The following MORC3 variants were observed in gnomAD, a reference collection of about 807,000 sequenced individuals.
MORC3 encodes MORC family CW-type zinc finger protein 3.
Under a neutral mutation model 109.1 loss-of-function variants are expected in MORC3, and 31 were observed. That is an observed-to-expected ratio of 0.28 (90% confidence interval 0.21 to 0.38). The LOEUF is 0.38. Among genes scored for constraint, MORC3 ranks in the 10% least tolerant of loss-of-function variants. MORC3 has a pLI of 1.00. For synonymous variants in MORC3, 395 were observed against 380.7 expected (o/e 1.04, Z -0.44); for missense variants, 867 against 1,135.8 (o/e 0.76, Z 3.40).
At chr21:36,325,951 C>CG (rs1474053810) in intron 1 of MORC3, among the ~76,000 whole-genome samples, 1 of 152,090 alleles carries the variant, frequency 6.6e-6, no homozygotes, top group Non-Finnish European at 1.5e-5. Flanking sequence ...CAGTGGCTCA[C>CG]GCCTCAGCAC....
At chr21:36,364,917 C>T (rs1367179771) in intron 14 of MORC3, among the ~76,000 whole-genome samples, 4 of 151,562 alleles carry the variant, frequency 2.6e-5, no homozygotes, top group African/African-American at 7.3e-5. Context: ...GTGGGTGTGG[C>T]GTTACATGCC....
intron 8 of MORC3, among the ~76,000 whole-genome samples, chr21:36,346,794 G>T (rs1225438166): frequency 6.6e-6 from 1 of 151,908 alleles, no homozygotes; most frequent in East Asian, 1.9e-4. Context: ...AGGCAACAGG[G>T]TGAGGTCCTA....
intron 1 of MORC3, among the ~76,000 whole-genome samples, chr21:36,332,556 G>T (rs1322692155): frequency 1.3e-5 from 2 of 152,184 alleles, no homozygotes; most frequent in Non-Finnish European, 2.9e-5. Context: ...TTAATTGGTT[G>T]CAGCTTGGCA....
At chr21:36,373,252 A>T (rs1186626016) in intron 16 of MORC3, among the ~76,000 whole-genome samples, 2 of 152,100 alleles carry the variant, frequency 1.3e-5, no homozygotes, top group Non-Finnish European at 2.9e-5. Flanking sequence ...AGGCAGGAGA[A>T]TCGCTTGAAC....
At chr21:36,366,911 T>G (rs2085787699) in intron 14 of MORC3, among the ~76,000 whole-genome samples, 1 of 152,170 alleles carries the variant, frequency 6.6e-6, no homozygotes, top group South Asian at 2.1e-4. Context: ...CAAGAAGTAC[T>G]TGATACAGCA....
intron 1 of MORC3, among the ~76,000 whole-genome samples, chr21:36,327,971 G>T (rs2085268618): frequency 6.6e-6 from 1 of 151,648 alleles, no homozygotes; most frequent in African/African-American, 2.4e-5. Context: ...CTGCCTCCTG[G>T]GTTCAAGTGA....
At chr21:36,332,606 C>T (rs1174142862) in intron 1 of MORC3, among the ~76,000 whole-genome samples, 3 of 152,068 alleles carry the variant, frequency 2.0e-5, no homozygotes, top group Admixed American at 1.3e-4. Flanking sequence ...TGTGATTGAC[C>T]GAAGATGGGA....
At chr21:36,337,091 G>GT in intron 3 of MORC3, 85 bp downstream of exon 3, 1 of 1,491,040 alleles carries the variant, frequency 6.7e-7, no homozygotes, top group Non-Finnish European at 9.1e-7. Flanking sequence ...CTTGGTTTTT[G>GT]TTTTTTGAAA....
intron 8 of MORC3, among the ~76,000 whole-genome samples, chr21:36,347,429 T>A (rs1293217511): frequency 5.9e-5 from 9 of 152,254 alleles, no homozygotes. Context: ...GTTAAATTTG[T>A]ACTGTACATA....
chr21:36,335,886 C>T (rs540223704), intron 2 of MORC3, among the ~76,000 whole-genome samples: 7 of 152,104 alleles, frequency 4.6e-5, no homozygotes, highest in Non-Finnish European at 7.4e-5. Flanking sequence ...ACTCAGATCT[C>T]TTTCCCCTAC....
At chr21:36,352,667 C>G (rs929846934) in intron 9 of MORC3, among the ~76,000 whole-genome samples, 2 of 152,024 alleles carry the variant, frequency 1.3e-5, no homozygotes, top group Non-Finnish European at 2.9e-5. Context: ...TCAGCTTGTA[C>G]CAGTAGTTGA....
In MORC3 at chr21:36,327,714, G is replaced by T. The variant is rs199961316; in HGVS notation, c.40-5932G>T. 2.6e-5 allele frequency among the ~76,000 whole-genome samples: 4 copies of T among 151,298 alleles called. No homozygotes were observed. The East Asian group carries it at 7.7e-4, about 29-fold the overall frequency. ...ACCAGTTGATGACTGAAACTGACCT[G>T]TTCGGTAAATTGGCTGTTATCTCCC... On this transcript the variant is annotated intron_variant, in intron 1 of 16. Coordinates refer to ENST00000400485, the MANE Select transcript of MORC3 (RefSeq NM_015358.3).
intron 3 of MORC3, among the ~76,000 whole-genome samples, chr21:36,337,388 A>G (rs1360824806): frequency 3.3e-5 from 5 of 152,212 alleles, no homozygotes; most frequent in African/African-American, 4.8e-5. Context: ...AGCATGGGTT[A>G]TACTCAGCTA....
chr21:36,340,376 G>A lies in MORC3; in HGVS notation c.609-1023G>A, dbSNP rs142488697. On this transcript the variant is annotated intron_variant, in intron 5 of 16. Coordinates refer to ENST00000400485, the MANE Select transcript of MORC3 (RefSeq NM_015358.3). Reference sequence around the variant, plus strand: ...ATGCAGGACACTTTAGTCATCACAGGAATCCCTCATGTTGCTCTTTTGTAG... The same window carrying A: ...ATGCAGGACACTTTAGTCATCACAGAAATCCCTCATGTTGCTCTTTTGTAG... 4.8e-3 allele frequency among the ~76,000 whole-genome samples: 724 copies of A among 151,860 alleles called. 2 individuals are homozygous for A. Among genetic ancestry groups the A allele is most frequent in the Non-Finnish European group, 7.7e-3 (523 of 67,958 alleles).
chr21:36,320,388 G>A, intron 1 of MORC3, 85 bp downstream of exon 1: 6 of 1,217,034 alleles, frequency 4.9e-6, no homozygotes, highest in Non-Finnish European at 6.2e-6. Context: ...GGCGGTGGCG[G>A]CTTGTGGGGC....
At chr21:36,354,672 T>C (rs886500744) in intron 9 of MORC3, among the ~76,000 whole-genome samples, 2 of 152,224 alleles carry the variant, frequency 1.3e-5, no homozygotes, top group Non-Finnish European at 2.9e-5. Flanking sequence ...TCAGTTTCAG[T>C]GCCTGTATCA....
At chr21:36,359,593 A>G (rs1248393034) in intron 10 of MORC3, among the ~76,000 whole-genome samples, 4 of 86,424 alleles carry the variant, frequency 4.6e-5, no homozygotes, top group African/African-American at 1.9e-4. Context: ...ACAGGATCTT[A>G]CTCTGTAGCC....
intron 8 of MORC3, among the ~76,000 whole-genome samples, chr21:36,346,003 A>G (rs543624744): frequency 3.3e-5 from 5 of 151,736 alleles, no homozygotes; most frequent in African/African-American, 7.3e-5. Flanking sequence ...CAGCACCTTA[A>G]TTTCTTTTAT....
Position 36,360,029 on chromosome 21 carries a change from A to G in MORC3, c.1283A>G (p.Gln428Arg). ...KWRKLPDGMD[Q>R]LPEKWYCSNN... ...CGGAAATTACCTGATGGGATGGATC[A>G]ACTTCCTGAAAAATGGTATTGCTCC... Residue 428 changes from glutamine to arginine, a missense_variant, in exon 11 of 17, where the codon CAA becomes CGA. This residue lies in a region of MORC3 where 120 missense variants were observed against 259.7 expected (regional missense o/e 0.46). Coordinates refer to ENST00000400485, the MANE Select transcript of MORC3 (RefSeq NM_015358.3). 1.2e-6 allele frequency: 2 copies of G among 1,614,196 alleles called. No individual in the cohort carries two copies. Among genetic ancestry groups the G allele is most frequent in the African/African-American group, 2.7e-5 (2 of 75,050 alleles).
Sources: allele counts gnomAD v4.1 joint callset (sites outside exome capture counted in the v4.1 genomes callset), GRCh38; gene constraint gnomAD v4.1.1; regional missense constraint gnomAD v4.1.1; transcripts MANE v1.5; gene names NCBI Gene and HGNC (gene_info 2026-07-23, HGNC 2026-07-21).